Variants in FAR1 observed in about 807,000 individuals in gnomAD.
The protein encoded by FAR1 is male sterility domain-containing protein 2.
Under a neutral mutation model 61.1 loss-of-function variants are expected in FAR1, and 22 were observed. That is an observed-to-expected ratio of 0.36 (90% CI 0.26 to 0.51). The LOEUF (loss-of-function observed/expected upper bound fraction) is 0.51, where lower values mean the gene tolerates loss of function less well. FAR1 is among the 20% of genes least tolerant of loss of function. The probability of loss-of-function intolerance (pLI) is 0.95; values close to 1 mark genes in which losing one functional copy is unlikely to be tolerated. For missense variants in FAR1, 359 were observed against 626.9 expected (o/e 0.57, Z 4.56); for synonymous variants, 206 against 209.7 (o/e 0.98, Z 0.15).
intron 2 of FAR1, among the ~76,000 whole-genome samples, chr11:13,698,610 C>T (rs1161568572): frequency 1.3e-5 from 2 of 152,104 alleles, no homozygotes; most frequent in African/African-American, 4.8e-5. Flanking sequence ...GTGGGGGGAT[C>T]ATGAGGTCAG....
In FAR1 at chr11:13,681,696, C is replaced by T. The variant is rs117038203; in HGVS notation, c.-8+12890C>T. Among the ~76,000 whole-genome samples the T allele has an allele frequency of 4.4e-3, 670 of 152,242 alleles. 1 individual carries two copies. Among genetic ancestry groups the T allele is most frequent in the Non-Finnish European group, 7.6e-3 (514 of 68,016 alleles). ...GGGGAAAATCGAAGAGGCTAAAGTC[C>T]GGAGCTAGAACTGCTCAGCCAGAAT... On this transcript the variant is annotated intron_variant, in intron 1 of 11. Coordinates refer to ENST00000354817, the MANE Select transcript of FAR1 (RefSeq NM_032228.6).
chr11:13,690,579 T>C (rs1286613940), intron 1 of FAR1, among the ~76,000 whole-genome samples: 1 of 152,230 alleles, frequency 6.6e-6, no homozygotes, highest in African/African-American at 2.4e-5. Flanking sequence ...TCATTTTTTC[T>C]ATATGGATAA....
chr11:13,674,865 C>G (rs755898151), intron 1 of FAR1, among the ~76,000 whole-genome samples: 5 of 152,114 alleles, frequency 3.3e-5, no homozygotes, highest in African/African-American at 4.8e-5. Context: ...CAAAGAAGAA[C>G]ACTCTTGAAC....
intron 9 of FAR1, among the ~76,000 whole-genome samples, chr11:13,717,546 T>C (rs180934630): frequency 6.6e-6 from 1 of 152,214 alleles, no homozygotes; most frequent in African/African-American, 2.4e-5. Flanking sequence ...CTCTGAGTCA[T>C]CCTTCCTTTT....
chr11:13,707,105 T>G (rs940369920), intron 3 of FAR1, among the ~76,000 whole-genome samples: 2 of 152,216 alleles, frequency 1.3e-5, no homozygotes, highest in African/African-American at 4.8e-5. Context: ...TATTCTTTCA[T>G]TGTGATAAAA....
intron 1 of FAR1, among the ~76,000 whole-genome samples, chr11:13,679,377 T>G (rs957026662): frequency 6.6e-6 from 1 of 152,180 alleles, no homozygotes; most frequent in Admixed American, 6.5e-5. Flanking sequence ...ACTGTTTTCT[T>G]CCCCTAGAAG....
chr11:13,672,530 G>A (rs1848018114), intron 1 of FAR1, among the ~76,000 whole-genome samples: 2 of 146,070 alleles, frequency 1.4e-5, no homozygotes, highest in African/African-American at 5.1e-5. Flanking sequence ...AAGTGACAAA[G>A]TGAGACCCTG....
intron 1 of FAR1, among the ~76,000 whole-genome samples, chr11:13,688,834 A>AT (rs910896606): frequency 2.6e-5 from 4 of 151,876 alleles, no homozygotes; most frequent in Admixed American, 6.6e-5. Flanking sequence ...TTATTTATTT[A>AT]TTTTTTTTAA....
intron 1 of FAR1, among the ~76,000 whole-genome samples, chr11:13,690,544 A>G (rs1314201712): frequency 3.9e-5 from 6 of 152,178 alleles, no homozygotes; most frequent in Non-Finnish European, 8.8e-5. Flanking sequence ...ATTTCTGTGT[A>G]TAGTGTGAGA....
chr11:13,722,863 T>C (rs1478028603), intron 10 of FAR1, among the ~76,000 whole-genome samples: 1 of 97,054 alleles, frequency 1.0e-5, no homozygotes, highest in Non-Finnish European at 2.4e-5. Flanking sequence ...TCTCTCTATA[T>C]ATATATATAT....
Position 13,721,813 on chromosome 11 carries a change from A to G in FAR1, c.1211A>G (p.Glu404Gly). 4 of 1,610,996 alleles carry G rather than the reference A, an allele frequency of 2.5e-6. No individual in the cohort carries two copies. The highest frequency in any genetic ancestry group is 3.4e-6 in the Non-Finnish European group (4 of 1,178,546). The change falls in exon 10 of 12, where the codon GAG (glutamate) becomes GGG (glycine). Residue 404 changes from glutamate to glycine, a missense_variant. Physicochemically the swap from Glu to Gly is moderately conservative, Grantham distance 98. Around this residue, in one of 2 missense-constraint regions of FAR1, gnomAD observed 344 missense variants for 570.3 expected, o/e 0.60. Transcript: ENST00000354817. The surrounding 1 kb of genome is among the most constrained non-coding windows in gnomAD (Gnocchi z 4.2). ...FTSNSWVWNT[E>G]NVNMLMNQLN... is the part of the protein sequence containing the mutation. Reference sequence around the variant, plus strand: ...AGTAATTCTTGGGTTTGGAATACTGAGAATGTCAATATGTTAATGAATCAA... The same window carrying G: ...AGTAATTCTTGGGTTTGGAATACTGGGAATGTCAATATGTTAATGAATCAA...
rs1389397935 is a variant in FAR1, at chr11:13,710,837, G to A, written c.690G>A (p.Ser230=). ...AKLNVAIVRP[S]IVGASWKEPF... is the part of the protein sequence containing the mutation. Reference sequence around the variant, plus strand: ...TAAATGTGGCAATTGTAAGGCCATCGATTGTTGGTGCCAGTTGGAAAGAAC... The same window carrying A: ...TAAATGTGGCAATTGTAAGGCCATCAATTGTTGGTGCCAGTTGGAAAGAAC... The change falls in exon 5 of 12, where the codon TCG becomes TCA. Residue 230 remains serine (S), a synonymous_variant. Transcript: ENST00000354817. 6 of 1,611,482 alleles carry A rather than the reference G, an allele frequency of 3.7e-6. No individual in the cohort carries two copies. In the East Asian group the frequency reaches 8.9e-5, roughly 24 times the overall value.
At chr11:13,673,365 T>C (rs1195725697) in intron 1 of FAR1, among the ~76,000 whole-genome samples, 1 of 152,218 alleles carries the variant, frequency 6.6e-6, no homozygotes, top group Non-Finnish European at 1.5e-5. Flanking sequence ...ATTACCACAT[T>C]TGATTCTCAT....
At chr11:13,714,453 T>C (rs896364300) in intron 8 of FAR1, 56 bp from the exon 9 acceptor site, 24 of 1,453,314 alleles carry the variant, frequency 1.7e-5, no homozygotes, top group African/African-American at 4.3e-5. Context: ...TTTTTTTTTT[T>C]CAAAACTTCA....
At chr11:13,690,331 C>T (rs560860373) in intron 1 of FAR1, among the ~76,000 whole-genome samples, 1 of 152,022 alleles carries the variant, frequency 6.6e-6, no homozygotes, top group East Asian at 1.9e-4. Context: ...TTACAAATAT[C>T]TTTTACTCTG....
At chr11:13,696,885 G>A (rs1848311821) in intron 2 of FAR1, among the ~76,000 whole-genome samples, 1 of 152,116 alleles carries the variant, frequency 6.6e-6, no homozygotes, top group Admixed American at 6.5e-5. Context: ...AAGGCCAAAA[G>A]CACATACCAC....
intron 4 of FAR1, among the ~76,000 whole-genome samples, chr11:13,708,459 A>G (rs1341579902): frequency 4.1e-5 from 6 of 146,914 alleles, no homozygotes; most frequent in African/African-American, 1.3e-4. Flanking sequence ...ACACACACAC[A>G]CACACACACA....
At chr11:13,674,606 C>T (rs1380618463) in intron 1 of FAR1, among the ~76,000 whole-genome samples, 1 of 152,032 alleles carries the variant, frequency 6.6e-6, no homozygotes, top group African/African-American at 2.4e-5. Context: ...TCCTTCTTTC[C>T]CTTCTTAATT....
rs1204260106 is a variant in FAR1, at chr11:13,730,149, G to A, written c.*1375G>A. The A allele has an allele frequency of 2.0e-5, 3 of 152,384 alleles. No homozygotes were observed. Among genetic ancestry groups the A allele is most frequent in the Non-Finnish European group, 4.4e-5 (3 of 67,868 alleles). The allele number at this position is 152,384 out of a possible 1,614,324, so 9.4% of individuals were successfully genotyped here. On this transcript the variant is annotated 3_prime_UTR_variant, in exon 12 of 12. Coordinates refer to ENST00000354817, the MANE Select transcript of FAR1 (RefSeq NM_032228.6). ...AAGTTTATCAAGTTGTACTGTATTA[G>A]ATAATCAGCAGTGTATCTGGAGTAT...
Sources: gnomAD v4.1 joint callset for allele counts (sites outside exome capture counted in the v4.1 genomes callset) on GRCh38, gnomAD v4.1.1 for gene constraint, gnomAD v4.1.1 regional missense constraint, Gnocchi (gnomAD v3.1) non-coding constraint, MANE v1.5 for transcripts, NCBI Gene and HGNC (gene_info 2026-07-23, HGNC 2026-07-21) for gene names.